Variants in MYT1L observed in about 807,000 individuals in gnomAD.
MYT1L encodes myelin transcription factor 1-like protein.
A neutral mutation model predicts 126.7 loss-of-function variants in MYT1L; 12 were observed. The ratio of observed to expected loss-of-function variants is 0.09; its 90% confidence interval spans 0.06 to 0.15. The LOEUF (loss-of-function observed/expected upper bound fraction) is 0.15. Among genes scored for constraint, MYT1L ranks in the 10% least tolerant of loss-of-function variants. MYT1L has a pLI of 1.00. For synonymous variants in MYT1L, 541 were observed against 604.2 expected, an observed-to-expected ratio of 0.90 and a Z score of 1.53; for missense variants, 979 against 1,585.2, an observed-to-expected ratio of 0.62 and a Z score of 6.49.
At chr2:2,227,777 T>C (rs1360503334) in intron 2 of MYT1L, among the ~76,000 whole-genome samples, 1 of 152,236 alleles carries the variant, frequency 6.6e-6, no homozygotes, top group South Asian at 2.1e-4. Context: ...CCCTGCATCA[T>C]GTACTTTTTA....
chr2:2,307,654 C>T (rs1205452800), intron 1 of MYT1L, among the ~76,000 whole-genome samples: 2 of 152,062 alleles, frequency 1.3e-5, no homozygotes, highest in Admixed American at 6.6e-5. Context: ...CACTTCAGTA[C>T]ACTCTACCTA....
Position 1,873,173 on chromosome 2 carries a change from A to G in MYT1L, c.2711+13366T>C, listed in dbSNP as rs1228677230. Among the ~76,000 whole-genome samples the G allele has an allele frequency of 2.0e-5, 3 of 152,340 alleles. No individual in the cohort carries two copies. In the East Asian group the frequency reaches 5.8e-4, roughly 29 times the overall value. On this transcript the variant is annotated intron_variant, in intron 18 of 24. Coordinates refer to ENST00000647738, the MANE Select transcript of MYT1L (RefSeq NM_001303052.2). ...CCCTCCCAGGTTTTCAAATGTTTCCAGGCCTTTAAGGAAACTTTATCAATG... is the reference window on the plus strand; with the variant it reads ...CCCTCCCAGGTTTTCAAATGTTTCCGGGCCTTTAAGGAAACTTTATCAATG...
At chr2:1,983,417 G>T (rs2060756977) in intron 5 of MYT1L, among the ~76,000 whole-genome samples, 1 of 152,312 alleles carries the variant, frequency 6.6e-6, no homozygotes, top group Middle Eastern at 3.4e-3. Context: ...CATTTACATA[G>T]CTGTTTAATA....
At chr2:2,236,796 CTT>C (rs1559420876) in intron 2 of MYT1L, among the ~76,000 whole-genome samples, 2 of 16,416 alleles carry the variant, frequency 1.2e-4, no homozygotes, top group Non-Finnish European at 9.4e-5. Context: ...TCTTCTTCTT[CTT>C]CTTCTTCTTC....
At chr2:1,861,878 T>A (rs1184029625) in intron 18 of MYT1L, among the ~76,000 whole-genome samples, 9 of 151,998 alleles carry the variant, frequency 5.9e-5, no homozygotes, top group African/African-American at 9.7e-5. Flanking sequence ...CTGCAGCCTG[T>A]GTAATCCTGG....
chr2:2,191,839 A>G (rs1050928317), intron 2 of MYT1L, among the ~76,000 whole-genome samples: 13 of 152,230 alleles, frequency 8.5e-5, no homozygotes, highest in African/African-American at 3.1e-4. Flanking sequence ...TCTTCAGGAC[A>G]TAGATTAGCC....
At chr2:1,965,455 ACT>A (rs1219324356) in intron 8 of MYT1L, among the ~76,000 whole-genome samples, 3 of 146,970 alleles carry the variant, frequency 2.0e-5, no homozygotes, top group Non-Finnish European at 4.5e-5. Context: ...GAGGACTCAG[ACT>A]CTGTGACTTG....
At chr2:2,166,170 T>G (rs371395837) in intron 3 of MYT1L, among the ~76,000 whole-genome samples, 2 of 152,328 alleles carry the variant, frequency 1.3e-5, no homozygotes, top group South Asian at 2.1e-4. Context: ...TTATCTAGCC[T>G]GCCTCCCTGT....
In MYT1L at chr2:1,910,121, G is replaced by A. The variant is rs2051719962; in HGVS notation, c.1817+119C>T. ...TGGCCCCGGCTTCCAGCACAGCCCC[G>A]CCCTCCAGTCCCTGCCCCTGCTGCT... On this transcript the variant is annotated intron_variant, in intron 13 of 24. Transcript: ENST00000647738. This position sits in a 1 kb window ranked among gnomAD's most constrained non-coding sequence, Gnocchi z 4.8. 4.4e-6 allele frequency: 4 copies of A among 907,106 alleles called. No homozygotes were observed. Among genetic ancestry groups the A allele is most frequent in the East Asian group, 5.3e-5 (2 of 37,590 alleles). The allele number at this position is 907,106 out of a possible 1,614,324, so 56.2% of individuals were successfully genotyped here.
At chr2:2,084,900 T>C (rs2076204788) in intron 3 of MYT1L, among the ~76,000 whole-genome samples, 1 of 152,238 alleles carries the variant, frequency 6.6e-6, no homozygotes, top group Non-Finnish European at 1.5e-5. Flanking sequence ...CTGGTTATTA[T>C]CTGACAGATG....
intron 11 of MYT1L, among the ~76,000 whole-genome samples, chr2:1,914,994 A>G (rs1424657920): frequency 6.6e-6 from 1 of 151,790 alleles, no homozygotes; most frequent in Admixed American, 6.6e-5. Flanking sequence ...CGCCTAGACC[A>G]TGCTGTGGAG....
chr2:2,304,009 G>T (rs1392484795), intron 1 of MYT1L: 2 of 152,142 alleles, frequency 1.3e-5, no homozygotes, highest in African/African-American at 4.8e-5. Context: ...AGTGTCTCTT[G>T]AAGACCCCTT....
intron 18 of MYT1L, among the ~76,000 whole-genome samples, chr2:1,867,384 C>A (rs145269066): frequency 6.6e-6 from 1 of 152,292 alleles, no homozygotes; most frequent in Admixed American, 6.5e-5. Context: ...TGCCCCACAG[C>A]GCCCTTGCCT....
chr2:1,822,106 C>T (rs542163376), intron 21 of MYT1L, among the ~76,000 whole-genome samples: 1 of 152,190 alleles, frequency 6.6e-6, no homozygotes, highest in Admixed American at 6.5e-5. Context: ...TTCACTCTTT[C>T]TCTCCACCCC....
At chr2:2,293,971 G>A (rs2095636760) in intron 1 of MYT1L, among the ~76,000 whole-genome samples, 1 of 152,188 alleles carries the variant, frequency 6.6e-6, no homozygotes. Context: ...AGCACGGGGG[G>A]CAGGACAGGG....
chr2:2,330,349 A>G (rs1282929254), intron 1 of MYT1L, among the ~76,000 whole-genome samples: 1 of 152,146 alleles, frequency 6.6e-6, no homozygotes, highest in Non-Finnish European at 1.5e-5. Context: ...ATTTACATAT[A>G]TATTTTTGCT....
intron 18 of MYT1L, among the ~76,000 whole-genome samples, chr2:1,876,804 C>T (rs568868878): frequency 8.5e-5 from 13 of 152,326 alleles, no homozygotes; most frequent in South Asian, 2.1e-4. Context: ...GATCTGATGC[C>T]TATGCAGCTC....
At chr2:2,018,611 T>C (rs1310848124) in intron 4 of MYT1L, among the ~76,000 whole-genome samples, 1 of 152,192 alleles carries the variant, frequency 6.6e-6, no homozygotes, top group Non-Finnish European at 1.5e-5. Context: ...GTTTATGGCA[T>C]GGTGCATGCT....
At chr2:2,026,926 T>C (rs2065667746) in intron 4 of MYT1L, among the ~76,000 whole-genome samples, 1 of 152,026 alleles carries the variant, frequency 6.6e-6, no homozygotes, top group Non-Finnish European at 1.5e-5. Context: ...TGCTTTTCTC[T>C]GAGTGTGGGG....
Sources: allele counts gnomAD v4.1 joint callset (sites outside exome capture counted in the v4.1 genomes callset), GRCh38; gene constraint gnomAD v4.1.1; non-coding constraint Gnocchi (gnomAD v3.1); transcripts MANE v1.5; gene names NCBI Gene and HGNC (gene_info 2026-07-23, HGNC 2026-07-21).